FAT3: variants seen among roughly 807,000 people sequenced by gnomAD.
FAT3 encodes FAT atypical cadherin 3.
A neutral mutation model predicts 310.2 loss-of-function variants in FAT3; 95 were observed. The ratio of observed to expected loss-of-function variants is 0.31; its 90% confidence interval spans 0.26 to 0.36. The LOEUF is 0.36. Among genes scored for constraint, FAT3 ranks in the 10% least tolerant of loss-of-function variants. The pLI is 1.00. For missense variants in FAT3, 5,408 were observed against 5,715.6 expected (o/e 0.95, Z 1.74); for synonymous variants, 2,314 against 2,192.9 (o/e 1.06, Z -1.54).
chr11:92,259,013 G>A (rs546574527), intron 1 of FAT3, among the ~76,000 whole-genome samples: 1 of 151,980 alleles, frequency 6.6e-6, no homozygotes, highest in African/African-American at 2.4e-5. Context: ...TGGGCTGTGT[G>A]TGGGGGGCGG....
At position 92,798,598 on chromosome 11, in the gene FAT3, C is replaced by G; in HGVS notation, c.5585C>G (p.Thr1862Ser). Residue 1862 changes from threonine (T) to serine (S), a missense_variant, in exon 10 of 28, where the codon ACT (threonine) becomes AGT (serine). Thr to Ser is a moderately conservative substitution (Grantham distance 58). Around this residue, in one of 5 missense-constraint regions of FAT3, gnomAD observed 4,588 missense variants for 4,809.8 expected, o/e 0.95. Transcript: ENST00000525166. ...HVRDSGSPQL[T>S]AESPVEVNIE... ...AGAGACAGTGGTAGCCCCCAACTGA[C>G]TGCAGAGAGTCCCGTTGAAGTCAAC... 6.2e-7 allele frequency: 1 copy of G among 1,613,882 alleles called. No homozygotes were observed. The highest frequency in any genetic ancestry group is 8.5e-7 in the Non-Finnish European group (1 of 1,179,858).
At chr11:92,298,367 A>G (rs746199086) in intron 1 of FAT3, among the ~76,000 whole-genome samples, 4 of 152,124 alleles carry the variant, frequency 2.6e-5, no homozygotes, top group Admixed American at 2.0e-4. Context: ...AGAATATGCA[A>G]TCCTTTCCCA....
chr11:92,620,817 A>T (rs1449356033), intron 3 of FAT3, among the ~76,000 whole-genome samples: 1 of 152,186 alleles, frequency 6.6e-6, no homozygotes, highest in Non-Finnish European at 1.5e-5. Context: ...ATTTCTCACC[A>T]TTTAAGGCTG....
intron 3 of FAT3, among the ~76,000 whole-genome samples, chr11:92,668,158 T>C (rs1047296711): frequency 3.3e-5 from 5 of 152,356 alleles, no homozygotes; most frequent in Admixed American, 6.5e-5. Flanking sequence ...CAAGAACTTA[T>C]CCAGAGTTCT....
Position 92,702,794 on chromosome 11 carries a change from G to A in FAT3, c.3669+5349G>A, listed in dbSNP as rs1944141371. ...CCTTTTGATCTTGAAATGCTTCTGTGTTCAGGGCTGGATGGTTCTGATAAA... is the reference window on the plus strand; with the variant it reads ...CCTTTTGATCTTGAAATGCTTCTGTATTCAGGGCTGGATGGTTCTGATAAA... On this transcript the variant is annotated intron_variant, in intron 4 of 27. Transcript: ENST00000525166. Among the ~76,000 whole-genome samples, 3 of 152,162 alleles carry A rather than the reference G, an allele frequency of 2.0e-5. No individual in the cohort carries two copies. The South Asian group carries it at 6.2e-4, about 32-fold the overall frequency.
rs148011833 is a variant in FAT3 at position 92,491,199 on chromosome 11, G to C, written c.3293-33435G>C. Among the ~76,000 whole-genome samples, 257 of 152,092 alleles carry C rather than the reference G, an allele frequency of 1.7e-3. 1 individual carries two copies. Among genetic ancestry groups the C allele is most frequent in the African/African-American group, 5.9e-3 (247 of 41,530 alleles). On this transcript the variant is annotated intron_variant, in intron 2 of 27. Transcript: ENST00000525166. Reference sequence around the variant, plus strand: ...ACCACAGCAAAGATTTAGCACTCAAGTACTCTAGCTTAGTGACTCTCAGCT... The same window carrying C: ...ACCACAGCAAAGATTTAGCACTCAACTACTCTAGCTTAGTGACTCTCAGCT...
At position 92,402,861 on chromosome 11, in the gene FAT3, A is replaced by C. The variant is rs1324476109; in HGVS notation, c.3292+47457A>C. 3.3e-5 allele frequency among the ~76,000 whole-genome samples: 5 copies of C among 151,784 alleles called. No homozygotes were observed. In the East Asian group the frequency reaches 9.7e-4, roughly 29 times the overall value. On this transcript the variant is annotated intron_variant, in intron 2 of 27. Transcript: ENST00000525166. Reference sequence around the variant, plus strand: ...TCAAAAACCAAAAAAAAAAAAGGCCAGCACCAAAAACCCCATAGCTAGACA... The same window carrying C: ...TCAAAAACCAAAAAAAAAAAAGGCCCGCACCAAAAACCCCATAGCTAGACA...
rs371377363 is a variant in FAT3, at chr11:92,330,546, A to C, written c.-17-21550A>C. On this transcript the variant is annotated intron_variant, in intron 1 of 27. Transcript: ENST00000525166. ...GGTTGGGGAGAAGGAGCAAAGTCAGAGAGTTTAAGTGTTTTGCCCAGGGTC... is the reference window on the plus strand; with the variant it reads ...GGTTGGGGAGAAGGAGCAAAGTCAGCGAGTTTAAGTGTTTTGCCCAGGGTC... Among the ~76,000 whole-genome samples, 7 of 152,314 alleles carry C rather than the reference A, an allele frequency of 4.6e-5. No individual in the cohort carries two copies. In the East Asian group the frequency reaches 1.4e-3, roughly 29 times the overall value.
At chr11:92,485,227 A>G (rs926859343) in intron 2 of FAT3, among the ~76,000 whole-genome samples, 3 of 152,252 alleles carry the variant, frequency 2.0e-5, no homozygotes, top group African/African-American at 7.2e-5. Context: ...ATTGGTTTAT[A>G]TATGTGTCCA....
chr11:92,768,974 A>G (rs942096544), intron 6 of FAT3, among the ~76,000 whole-genome samples: 10 of 152,198 alleles, frequency 6.6e-5, no homozygotes, highest in Non-Finnish European at 4.4e-5. Flanking sequence ...GAGCAGAAAT[A>G]GTGTTTCAGC....
At chr11:92,433,493 C>T (rs543386096) in intron 2 of FAT3, among the ~76,000 whole-genome samples, 3 of 152,230 alleles carry the variant, frequency 2.0e-5, no homozygotes, top group South Asian at 4.1e-4. Flanking sequence ...GAGGGAGTTC[C>T]CTGACCCCTT....
chr11:92,431,093 T>C (rs1458378458), intron 2 of FAT3, among the ~76,000 whole-genome samples: 1 of 152,140 alleles, frequency 6.6e-6, no homozygotes, highest in Admixed American at 6.5e-5. Flanking sequence ...CACACTGACT[T>C]CCACAATGGT....
chr11:92,876,028 G>A (rs1591841275), intron 22 of FAT3, among the ~76,000 whole-genome samples: 2 of 152,106 alleles, frequency 1.3e-5, no homozygotes, highest in East Asian at 3.9e-4. Flanking sequence ...CCTCAGATCT[G>A]GACCGCCCCT....
At chr11:92,837,575 C>T in intron 16 of FAT3, 88 bp from the exon 17 acceptor site, 1 of 1,499,478 alleles carries the variant, frequency 6.7e-7, no homozygotes, top group Non-Finnish European at 9.1e-7. Flanking sequence ...TTTAACAAAG[C>T]ACAGCCTGTA....
At chr11:92,885,011 T>A (rs140850396) in intron 24 of FAT3, among the ~76,000 whole-genome samples, 18 of 152,220 alleles carry the variant, frequency 1.2e-4, no homozygotes, top group African/African-American at 4.1e-4. Flanking sequence ...AGAGGACCCT[T>A]GTGCAGAAGC....
At chr11:92,542,362 G>C (rs1954477746) in intron 3 of FAT3, among the ~76,000 whole-genome samples, 1 of 151,916 alleles carries the variant, frequency 6.6e-6, no homozygotes, top group African/African-American at 2.4e-5. Context: ...AAAAGCTTCT[G>C]CACAGAAAAG....
Position 92,806,400 on chromosome 11 carries a change from A to T in FAT3, c.9132A>T (p.Ser3044=), listed in dbSNP as rs371354600. The T allele has an allele frequency of 1.3e-4, 203 of 1,598,442 alleles. No individual in the cohort carries two copies. Among genetic ancestry groups the T allele is most frequent in the Non-Finnish European group, 1.7e-4 (196 of 1,171,592 alleles). Reference sequence around the variant, plus strand: ...CATTACTTCCTGAAGACATTCCATCAAATAAAATCATCCTGAAAGTCAGTG... The same window carrying T: ...CATTACTTCCTGAAGACATTCCATCTAATAAAATCATCCTGAAAGTCAGTG... ...YTALLPEDIP[S]NKIILKVSAK... is the part of the protein sequence containing the mutation. The change falls in exon 12 of 28, where the codon TCA becomes TCT. Residue 3044 remains serine, a synonymous_variant. Transcript: ENST00000525166.
chr11:92,843,865 C>T (rs4753068), intron 18 of FAT3, 69 bp from the exon 19 acceptor site: 561,885 of 1,402,640 alleles, frequency 0.4, 113,594 homozygotes, highest in East Asian at 0.48. Flanking sequence ...CTTCTATCTG[C>T]GGGTTTTTAA....
At chr11:92,290,773 AT>A (rs1459914788) in intron 1 of FAT3, among the ~76,000 whole-genome samples, 125 of 151,976 alleles carry the variant, frequency 8.2e-4, no homozygotes, top group African/African-American at 2.8e-3. Context: ...CAAAAAAAAA[AT>A]AATAAATGAA....
Sources: gnomAD v4.1 joint callset for allele counts (sites outside exome capture counted in the v4.1 genomes callset) on GRCh38, gnomAD v4.1.1 for gene constraint, gnomAD v4.1.1 regional missense constraint, MANE v1.5 for transcripts, NCBI Gene and HGNC (gene_info 2026-07-23, HGNC 2026-07-21) for gene names.